The following ANKS1B variants were observed in gnomAD, a reference collection of about 807,000 sequenced individuals.
ANKS1B encodes ankyrin repeat and sterile alpha motif domain containing 1B.
A neutral mutation model predicts 148.3 loss-of-function variants in ANKS1B; 36 were observed. The observed-to-expected ratio is 0.24, with a 90% CI of 0.19 to 0.32. The LOEUF (loss-of-function observed/expected upper bound fraction) is 0.32, where lower values mean the gene tolerates loss of function less well. Among genes scored for constraint, ANKS1B ranks in the 10% least tolerant of loss-of-function variants. The probability of loss-of-function intolerance (pLI) is 1.00; values close to 1 mark genes in which losing one functional copy is unlikely to be tolerated. For synonymous variants in ANKS1B, 542 were observed against 560.8 expected, an observed-to-expected ratio of 0.97 and a Z score of 0.47; for missense variants, 1,157 against 1,542.6, an observed-to-expected ratio of 0.75 and a Z score of 4.19.
chr12:99,053,757 AT>A (rs2099967724), intron 16 of ANKS1B, among the ~76,000 whole-genome samples: 1 of 152,192 alleles, frequency 6.6e-6, no homozygotes, highest in South Asian at 2.1e-4. Context: ...TTCAAAGGGA[AT>A]TTGTGCTTAT....
At chr12:99,462,034 C>T (rs1412205733) in intron 10 of ANKS1B, among the ~76,000 whole-genome samples, 1 of 152,130 alleles carries the variant, frequency 6.6e-6, no homozygotes, top group Non-Finnish European at 1.5e-5. Flanking sequence ...ACACAATGGC[C>T]CATCACTTAA....
chr12:98,794,654 A>C, intron 22 of ANKS1B: 1 of 870,422 alleles, frequency 1.1e-6, no homozygotes, highest in Non-Finnish European at 2.0e-6. Flanking sequence ...AGCATTCTGG[A>C]AAGCAGCTGG....
intron 2 of ANKS1B, among the ~76,000 whole-genome samples, chr12:99,819,849 G>T (rs1363568294): frequency 6.6e-6 from 1 of 151,394 alleles, no homozygotes; most frequent in Non-Finnish European, 1.5e-5. Context: ...AAAGGAAAAA[G>T]GAATGAGGGG....
At chr12:98,944,676 A>G (rs1379389038) in intron 17 of ANKS1B, among the ~76,000 whole-genome samples, 2 of 152,254 alleles carry the variant, frequency 1.3e-5, no homozygotes, top group Non-Finnish European at 2.9e-5. Flanking sequence ...TGCCCCTGAA[A>G]AAAAGAAAAA....
At chr12:99,346,017 G>A (rs2090620450) in intron 12 of ANKS1B, among the ~76,000 whole-genome samples, 1 of 151,954 alleles carries the variant, frequency 6.6e-6, no homozygotes, top group Admixed American at 6.6e-5. Context: ...ATTTTTAGGA[G>A]CACTCTGCCT....
rs1033855266 is a variant in ANKS1B at position 99,598,666 on chromosome 12, C to A, written c.1272+56401G>T. ...CCAGAGAGAGTCAGAAAAAGTTTCA[C>A]AGAGTGTGCTCTGAAAATTAACAAG... On this transcript the variant is annotated intron_variant, in intron 9 of 26. Coordinates refer to ENST00000683438, the MANE Select transcript of ANKS1B (RefSeq NM_001352186.2). Among the ~76,000 whole-genome samples, 56 of 152,064 alleles carry A rather than the reference C, an allele frequency of 3.7e-4. 1 individual carries two copies. Among genetic ancestry groups the A allele is most frequent in the Admixed American group, 5.2e-4 (8 of 15,244 alleles).
Position 99,590,258 on chromosome 12 carries a change from C to CCACACA in ANKS1B, c.1272+64803_1272+64808dup, listed in dbSNP as rs374132496. Among the ~76,000 whole-genome samples, 509 of 132,868 alleles carry CCACACA rather than the reference C, an allele frequency of 3.8e-3. 4 individuals are homozygous for CCACACA. Among genetic ancestry groups the CCACACA allele is most frequent in the African/African-American group, 0.012 (451 of 37,472 alleles). The allele number at this position is 132,868 out of a possible 152,430, so 87.2% of individuals were successfully genotyped here. A position where few individuals can be genotyped will look rare whatever the true frequency, so the allele number is the denominator to read the frequency against. Reference sequence around the variant, plus strand: ...AACATTCACTCACACCCACACCCACCCACACACACACACACACACACACAC... The same window carrying CCACACA: ...AACATTCACTCACACCCACACCCACCCACACACACACACACACACACACACACACAC... On this transcript the variant is annotated intron_variant, in intron 9 of 26. Transcript: ENST00000683438.
intron 12 of ANKS1B, among the ~76,000 whole-genome samples, chr12:99,308,081 G>C (rs181994695): frequency 6.6e-6 from 1 of 152,018 alleles, no homozygotes; most frequent in Non-Finnish European, 1.5e-5. Flanking sequence ...ATTGTGACTC[G>C]TTTAACTATA....
intron 8 of ANKS1B, among the ~76,000 whole-genome samples, chr12:99,765,884 C>T (rs2062596799): frequency 6.6e-6 from 1 of 152,228 alleles, no homozygotes; most frequent in South Asian, 2.1e-4. Context: ...GATGCAGAAA[C>T]TAAGGCTTGG....
intron 15 of ANKS1B, among the ~76,000 whole-genome samples, chr12:99,105,983 A>G (rs1186440043): frequency 6.6e-6 from 1 of 152,166 alleles, no homozygotes; most frequent in Non-Finnish European, 1.5e-5. Context: ...GTCTCCAACA[A>G]GAAGAGTGGT....
At chr12:99,870,320 T>A (rs2153727008) in intron 1 of ANKS1B, among the ~76,000 whole-genome samples, 1 of 152,332 alleles carries the variant, frequency 6.6e-6, no homozygotes, top group South Asian at 2.1e-4. Context: ...ATACGTATAT[T>A]TTCTTTATCC....
intron 15 of ANKS1B, among the ~76,000 whole-genome samples, chr12:99,127,135 A>G (rs1232004094): frequency 2.0e-5 from 3 of 152,216 alleles, no homozygotes; most frequent in African/African-American, 7.2e-5. Flanking sequence ...GCCCACAGGC[A>G]AACTCCCACC....
intron 3 of ANKS1B, among the ~76,000 whole-genome samples, chr12:99,809,312 C>T (rs2068037593): frequency 1.3e-5 from 2 of 150,578 alleles, no homozygotes; most frequent in Admixed American, 6.6e-5. Context: ...ATTCGAGTTT[C>T]GGTGAATGGC....
chr12:98,934,613 T>G (rs886775619), intron 17 of ANKS1B, among the ~76,000 whole-genome samples: 9 of 152,138 alleles, frequency 5.9e-5, no homozygotes, highest in African/African-American at 2.2e-4. Context: ...TTGATATCTT[T>G]TCATTTGTTT....
At chr12:99,778,719 C>A (rs2063942522) in intron 6 of ANKS1B, among the ~76,000 whole-genome samples, 1 of 152,024 alleles carries the variant, frequency 6.6e-6, no homozygotes. Context: ...TAATTAACTT[C>A]TTTATTGATA....
intron 17 of ANKS1B, among the ~76,000 whole-genome samples, chr12:98,862,157 G>C (rs1054386162): frequency 3.3e-5 from 5 of 152,060 alleles, no homozygotes; most frequent in African/African-American, 1.2e-4. Context: ...ATTTTGGTGT[G>C]GTTATGCTGA....
At chr12:99,754,633 A>G (rs1294882411) in intron 8 of ANKS1B, among the ~76,000 whole-genome samples, 3 of 152,210 alleles carry the variant, frequency 2.0e-5, no homozygotes, top group African/African-American at 7.2e-5. Context: ...AGAACTGAAA[A>G]TCATAACAAA....
At chr12:99,382,616 T>C (rs930940099) in intron 12 of ANKS1B, among the ~76,000 whole-genome samples, 2 of 150,422 alleles carry the variant, frequency 1.3e-5, no homozygotes, top group Non-Finnish European at 2.9e-5. Flanking sequence ...AAGAATCACT[T>C]GAACTTGGGA....
intron 8 of ANKS1B, among the ~76,000 whole-genome samples, chr12:99,683,268 T>C (rs976789328): frequency 2.0e-5 from 3 of 151,788 alleles, no homozygotes; most frequent in Non-Finnish European, 4.4e-5. Context: ...AATATCCAAA[T>C]AAGCTCAATT....
Sources: gnomAD v4.1 joint callset for allele counts (sites outside exome capture counted in the v4.1 genomes callset) on GRCh38, gnomAD v4.1.1 for gene constraint, MANE v1.5 for transcripts, NCBI Gene and HGNC (gene_info 2026-07-23, HGNC 2026-07-21) for gene names.